TENM3: variants seen among roughly 807,000 people sequenced by gnomAD.
TENM3 encodes the protein teneurin transmembrane protein 3, also known as teneurin-3.
Under a neutral mutation model 255.1 loss-of-function variants are expected in TENM3, and 63 were observed. The ratio of observed to expected loss-of-function variants is 0.25; its 90% CI spans 0.20 to 0.30. TENM3 has a LOEUF of 0.30. Among genes scored for constraint, TENM3 ranks in the 10% least tolerant of loss-of-function variants. TENM3 has a pLI of 1.00. For synonymous variants in TENM3, 1,306 were observed against 1,322.3 expected (o/e 0.99, Z 0.27); for missense variants, 2,929 against 3,461.1 (o/e 0.85, Z 3.86).
At chr4:181,854,456 G>A in the TENM3 span, among the ~76,000 whole-genome samples, 161 of 152,168 alleles carry the variant, frequency 1.1e-3, 2 homozygotes, top group African/African-American at 3.8e-3. Flanking sequence ...GCCAAACTAC[G>A]GTATCTTTCC....
rs768652078 is a variant in TENM3 at position 182,672,987 on chromosome 4, T to C, written c.1112-18T>C. ...TTAAAAAAAATTTGTTCTTCATCAGTGCATCTCTTACATTCAGGAAAATTA... is the reference window on the plus strand; with the variant it reads ...TTAAAAAAAATTTGTTCTTCATCAGCGCATCTCTTACATTCAGGAAAATTA... On this transcript the variant is annotated intron_variant, in intron 6 of 27. Transcript: ENST00000511685. The C allele has an allele frequency of 4.6e-6, 7 of 1,531,526 alleles. No homozygotes were observed. In the East Asian group the frequency reaches 1.7e-4, roughly 36 times the overall value. The allele number at this position is 1,531,526 out of a possible 1,614,324, so 94.9% of individuals were successfully genotyped here.
At chr4:181,754,279 C>T in the TENM3 span, among the ~76,000 whole-genome samples, 22 of 116,698 alleles carry the variant, frequency 1.9e-4, no homozygotes, top group Admixed American at 2.4e-3. Flanking sequence ...TGTTCTATAT[C>T]CCAGTCACAC....
chr4:182,707,554 G>A (rs1758375707), intron 12 of TENM3, among the ~76,000 whole-genome samples: 1 of 152,216 alleles, frequency 6.6e-6, no homozygotes, highest in African/African-American at 2.4e-5. Flanking sequence ...GAAGCACCTA[G>A]AGGGGAGATG....
chr4:182,663,301 T>A (rs1455455749), intron 6 of TENM3, among the ~76,000 whole-genome samples: 3 of 152,216 alleles, frequency 2.0e-5, no homozygotes, highest in Admixed American at 1.3e-4. Context: ...AATTTAAATT[T>A]ATTTATTTTT....
chr4:182,287,133 T>G (rs1307551676), intron 1 of TENM3, among the ~76,000 whole-genome samples: 1 of 152,120 alleles, frequency 6.6e-6, no homozygotes, highest in African/African-American at 2.4e-5. Flanking sequence ...GAGGCTGAAG[T>G]GGGAGGATCA....
At chr4:182,600,866 T>C (rs1289265032) in intron 3 of TENM3, 58 bp from the exon 4 acceptor site, 1 of 585,926 alleles carries the variant, frequency 1.7e-6, no homozygotes, top group Non-Finnish European at 2.5e-6. Flanking sequence ...AGTGTGTATA[T>C]ACATATATAT....
intron 3 of TENM3, among the ~76,000 whole-genome samples, chr4:182,502,423 T>C (rs1039301755): frequency 6.6e-6 from 1 of 152,192 alleles, no homozygotes; most frequent in Non-Finnish European, 1.5e-5. Context: ...CAGTTTTCTC[T>C]TTCTGGACCT....
upstream of TENM3, among the ~76,000 whole-genome samples, chr4:182,240,673 G>A (rs946651898): frequency 4.6e-5 from 7 of 152,164 alleles, no homozygotes; most frequent in East Asian, 3.9e-4. Flanking sequence ...TGCAGCCCAC[G>A]AGAGCAGGGA....
the TENM3 span, among the ~76,000 whole-genome samples, chr4:181,935,792 A>G: frequency 6.6e-6 from 1 of 151,836 alleles, no homozygotes; most frequent in South Asian, 2.1e-4. Context: ...ATGCCTTTCC[A>G]TTTTCTTGAA....
At position 182,439,776 on chromosome 4, in the gene TENM3, T is replaced by A. The variant is rs544908270; in HGVS notation, c.511+92847T>A. Among the ~76,000 whole-genome samples the A allele has an allele frequency of 1.7e-3, 254 of 152,334 alleles. 1 individual carries two copies. Among genetic ancestry groups the A allele is most frequent in the Middle Eastern group, 6.8e-3 (2 of 294 alleles). On this transcript the variant is annotated intron_variant, in intron 3 of 27. Transcript: ENST00000511685. ...CCTTTTCTTCAATCATTAGAAGTAT[T>A]AATCTGTAACATGTATCTTTGTTAA...
chr4:181,799,812 T>C, the TENM3 span, among the ~76,000 whole-genome samples: 1 of 152,250 alleles, frequency 6.6e-6, no homozygotes, highest in Admixed American at 6.5e-5. Flanking sequence ...TGACTAGGTC[T>C]ATACATTTTC....
the TENM3 span, among the ~76,000 whole-genome samples, chr4:181,642,499 T>G: frequency 4.0e-5 from 6 of 151,756 alleles, no homozygotes; most frequent in South Asian, 1.2e-3. Context: ...TCAATTTTGG[T>G]TTTTGTTGCC....
the TENM3 span, among the ~76,000 whole-genome samples, chr4:181,528,058 T>A: frequency 6.6e-6 from 1 of 152,054 alleles, no homozygotes; most frequent in Non-Finnish European, 1.5e-5. Context: ...AAGGCGTAAA[T>A]CCTTACATAC....
At chr4:181,542,545 G>A in the TENM3 span, among the ~76,000 whole-genome samples, 2,118 of 152,260 alleles carry the variant, frequency 0.014, 27 homozygotes, top group Admixed American at 0.021. Context: ...CTTAGATTAG[G>A]CAAATAGAAG....
intron 1 of TENM3, among the ~76,000 whole-genome samples, chr4:182,293,113 G>A (rs1761228521): frequency 2.0e-5 from 3 of 152,204 alleles, no homozygotes; most frequent in Non-Finnish European, 4.4e-5. Context: ...TATGGGTTAG[G>A]TCTTTTAATC....
At chr4:181,475,886 C>T in the TENM3 span, among the ~76,000 whole-genome samples, 1 of 152,218 alleles carries the variant, frequency 6.6e-6, no homozygotes, top group Non-Finnish European at 1.5e-5. Context: ...TTGATGTTCT[C>T]CTTTTCCTTG....
At chr4:181,765,202 A>G in the TENM3 span, among the ~76,000 whole-genome samples, 5 of 152,192 alleles carry the variant, frequency 3.3e-5, no homozygotes, top group South Asian at 8.3e-4. Flanking sequence ...TTCTTAACAA[A>G]ATGCTTTGCA....
At chr4:182,392,926 C>T (rs375097650) in intron 3 of TENM3, among the ~76,000 whole-genome samples, 6 of 152,046 alleles carry the variant, frequency 3.9e-5, no homozygotes, top group African/African-American at 1.2e-4. Context: ...AACTGAATAA[C>T]GATAGAAATT....
the TENM3 span, among the ~76,000 whole-genome samples, chr4:182,049,572 C>T: frequency 9.8e-5 from 15 of 152,310 alleles, no homozygotes; most frequent in South Asian, 2.1e-4. Context: ...TGACGCATAA[C>T]GTCTCTCACT....
Sources: gnomAD v4.1 joint callset for allele counts (sites outside exome capture counted in the v4.1 genomes callset) on GRCh38, gnomAD v4.1.1 for gene constraint, MANE v1.5 for transcripts, NCBI Gene and HGNC (gene_info 2026-07-23, HGNC 2026-07-21) for gene names.